ATRNL1: variants seen among roughly 807,000 people sequenced by gnomAD.
ATRNL1 encodes attractin like 1, also known as attractin-like protein 1.
Under a neutral mutation model 182.7 loss-of-function variants are expected in ATRNL1, and 95 were observed. The ratio of observed to expected loss-of-function variants is 0.52; its 90% CI spans 0.44 to 0.62. The LOEUF (loss-of-function observed/expected upper bound fraction) is 0.62, where lower values mean the gene tolerates loss of function less well. Ranked by LOEUF, ATRNL1 falls within the 20% of genes least tolerant of loss-of-function variation. ATRNL1 has a pLI of 0.00. For synonymous variants in ATRNL1, 576 were observed against 568.3 expected (o/e 1.01, Z -0.19); for missense variants, 1,471 against 1,679.5 (o/e 0.88, Z 2.17).
At chr10:115,384,997 GTTTATA>G (rs1275457617) in intron 19 of ATRNL1, among the ~76,000 whole-genome samples, 2 of 151,442 alleles carry the variant, frequency 1.3e-5, no homozygotes, top group African/African-American at 2.4e-5. Context: ...ATATTTATGT[GTTTATA>G]TTTATGTGTA....
intron 5 of ATRNL1, among the ~76,000 whole-genome samples, chr10:115,139,381 G>A (rs1845662846): frequency 6.6e-6 from 1 of 152,176 alleles, no homozygotes; most frequent in Non-Finnish European, 1.5e-5. Flanking sequence ...ACATACCTGA[G>A]ACCAGGCAAT....
intron 5 of ATRNL1, among the ~76,000 whole-genome samples, chr10:115,146,803 T>A (rs587669176): frequency 4.9e-5 from 1 of 20,216 alleles, no homozygotes; most frequent in African/African-American, 1.3e-4. Context: ...GATTTCATTC[T>A]TTTTTTTTTT....
chr10:115,706,549 C>T (rs1262118026), intron 26 of ATRNL1, among the ~76,000 whole-genome samples: 3 of 151,878 alleles, frequency 2.0e-5, no homozygotes, highest in Admixed American at 1.3e-4. Flanking sequence ...TTATCTGCCA[C>T]AGCTTTAATT....
intron 8 of ATRNL1, among the ~76,000 whole-genome samples, chr10:115,190,367 A>G (rs1848121839): frequency 6.6e-6 from 1 of 152,098 alleles, no homozygotes; most frequent in South Asian, 2.1e-4. Flanking sequence ...GAAAATTTGC[A>G]CTGACTATAT....
intron 25 of ATRNL1, among the ~76,000 whole-genome samples, chr10:115,542,322 T>C (rs1852405080): frequency 6.6e-6 from 1 of 152,256 alleles, no homozygotes; most frequent in Admixed American, 6.5e-5. Context: ...TACTCTTCTA[T>C]AAATTTTTCA....
At chr10:115,623,194 A>C (rs1368258098) in intron 26 of ATRNL1, among the ~76,000 whole-genome samples, 1 of 152,198 alleles carries the variant, frequency 6.6e-6, no homozygotes, top group Non-Finnish European at 1.5e-5. Flanking sequence ...GGGAACAAAA[A>C]TGTATGTACA....
chr10:115,408,295 G>A (rs1165808054), intron 20 of ATRNL1, among the ~76,000 whole-genome samples: 2 of 152,090 alleles, frequency 1.3e-5, no homozygotes, highest in African/African-American at 2.4e-5. Flanking sequence ...GAGCCACCGC[G>A]CCCGGCCTGA....
chr10:115,565,038 T>A (rs1853993747), intron 26 of ATRNL1, among the ~76,000 whole-genome samples: 2 of 152,028 alleles, frequency 1.3e-5, no homozygotes, highest in Admixed American at 1.3e-4. Context: ...TATTTATTTC[T>A]ACAGTGGAGC....
intron 25 of ATRNL1, among the ~76,000 whole-genome samples, chr10:115,546,132 G>C (rs1288225399): frequency 6.6e-6 from 1 of 152,076 alleles, no homozygotes; most frequent in African/African-American, 2.4e-5. Context: ...CATTATTAAT[G>C]GTTCAGCTTG....
At chr10:115,202,442 G>A (rs1458853978) in intron 8 of ATRNL1, among the ~76,000 whole-genome samples, 2 of 151,936 alleles carry the variant, frequency 1.3e-5, no homozygotes, top group Admixed American at 6.6e-5. Context: ...TTAGCATGAA[G>A]GGCTGTTGAA....
rs782502392 is a variant in ATRNL1, at chr10:115,267,123, C to T, written c.1981+118C>T. On this transcript the variant is annotated intron_variant, in intron 12 of 28. Coordinates refer to ENST00000355044, the MANE Select transcript of ATRNL1 (RefSeq NM_207303.4). Reference sequence around the variant, plus strand: ...CTACAGAAATGAAAAATTTGTATTACCCTAATTAGGAATTCTAATGTTTGA... The same window carrying T: ...CTACAGAAATGAAAAATTTGTATTATCCTAATTAGGAATTCTAATGTTTGA... 3.3e-4 allele frequency: 210 copies of T among 640,784 alleles called. 3 individuals carry two copies. The highest frequency in any genetic ancestry group is 2.6e-3 in the South Asian group (118 of 44,618). 39.7% of individuals were successfully genotyped at this position (640,784 alleles called of 1,614,324 possible).
intron 27 of ATRNL1, among the ~76,000 whole-genome samples, chr10:115,839,848 C>G (rs1237718189): frequency 6.6e-6 from 1 of 152,100 alleles, no homozygotes; most frequent in East Asian, 1.9e-4. Context: ...CAGCTGTATT[C>G]TTATGGTGGC....
intron 26 of ATRNL1, among the ~76,000 whole-genome samples, chr10:115,691,678 C>T (rs1946398083): frequency 1.3e-5 from 2 of 152,230 alleles, no homozygotes; most frequent in East Asian, 1.9e-4. Flanking sequence ...GCTGAGATCA[C>T]GCTACTGCAC....
chr10:115,257,967 C>G (rs782386511), intron 10 of ATRNL1, among the ~76,000 whole-genome samples: 1 of 152,100 alleles, frequency 6.6e-6, no homozygotes, highest in Non-Finnish European at 1.5e-5. Context: ...GGGTTTCTGC[C>G]GAGAGATCTG....
At chr10:115,943,842 C>T (rs1433042055) in intron 28 of ATRNL1, among the ~76,000 whole-genome samples, 47 of 151,944 alleles carry the variant, frequency 3.1e-4, no homozygotes, top group Non-Finnish European at 5.9e-5. Flanking sequence ...GAATATAATT[C>T]AGCAATAAAA....
chr10:115,210,003 G>C (rs1554894640), intron 8 of ATRNL1, among the ~76,000 whole-genome samples: 1 of 151,834 alleles, frequency 6.6e-6, no homozygotes, highest in Non-Finnish European at 1.5e-5. Context: ...TGCACATTTT[G>C]GTGTTAGACC....
chr10:115,496,404 G>A (rs1339035684), intron 24 of ATRNL1, among the ~76,000 whole-genome samples: 1 of 152,140 alleles, frequency 6.6e-6, no homozygotes, highest in East Asian at 1.9e-4. Context: ...TTGCTTGTGT[G>A]AAAAGTATCT....
intron 20 of ATRNL1, among the ~76,000 whole-genome samples, chr10:115,416,473 A>C (rs1229434789): frequency 6.6e-6 from 1 of 152,160 alleles, no homozygotes; most frequent in Non-Finnish European, 1.5e-5. Flanking sequence ...TTGAGCTATA[A>C]ATATTTAATA....
chr10:115,132,712 G>A (rs1845310192), intron 5 of ATRNL1, among the ~76,000 whole-genome samples: 1 of 152,050 alleles, frequency 6.6e-6, no homozygotes, highest in South Asian at 2.1e-4. Flanking sequence ...TGTGTCTTTT[G>A]GCTGCATAAA....
Sources: allele counts gnomAD v4.1 joint callset (sites outside exome capture counted in the v4.1 genomes callset), GRCh38; gene constraint gnomAD v4.1.1; transcripts MANE v1.5; gene names NCBI Gene and HGNC (gene_info 2026-07-23, HGNC 2026-07-21).